THRA: variants seen among roughly 807,000 people sequenced by gnomAD.
THRA encodes the protein EAR-7.
Under a neutral mutation model 45.0 loss-of-function variants are expected in THRA, and 13 were observed. That is an observed-to-expected ratio of 0.29 (90% CI 0.19 to 0.46). The LOEUF (loss-of-function observed/expected upper bound fraction) is 0.46, where lower values mean the gene tolerates loss of function less well. THRA is among the 20% of genes least tolerant of loss of function. The pLI is 1.00. For missense variants in THRA, 278 were observed against 556.1 expected (o/e 0.50, Z 5.03); for synonymous variants, 195 against 214.0 (o/e 0.91, Z 0.78).
intron 7 of THRA, among the ~76,000 whole-genome samples, chr17:40,087,821 C>G (rs1333901432): frequency 6.6e-6 from 1 of 152,144 alleles, no homozygotes; most frequent in Non-Finnish European, 1.5e-5. Context: ...TGCAGTGACG[C>G]GATCTGGGCT....
In THRA at chr17:40,074,216, C is replaced by G. The variant is rs1434091543; in HGVS notation, c.-273C>G. ...GGGATCTCTGGACAGGACAAGACTC[C>G]GAAGCTACTCCCCCAGCACACAGCC... On this transcript the variant is annotated 5_prime_UTR_variant, in exon 2 of 9. Transcript: ENST00000450525. The G allele has an allele frequency of 4.1e-6, 2 of 493,158 alleles. No individual in the cohort carries two copies. The allele number at this position is 493,158 out of a possible 1,614,324, so 30.5% of individuals were successfully genotyped here.
intron 1 of THRA, among the ~76,000 whole-genome samples, chr17:40,066,000 A>G (rs533777257): frequency 1.3e-5 from 2 of 152,302 alleles, no homozygotes; most frequent in South Asian, 2.1e-4. Context: ...AGGGCTCACA[A>G]TGGCCTTTCT....
intron 4 of THRA, 121 bp downstream of exon 4, chr17:40,077,729 C>T: frequency 1.3e-6 from 1 of 746,666 alleles, no homozygotes; most frequent in Non-Finnish European, 2.2e-6. Context: ...CGGAGTCTCA[C>T]TCTTGTCCCC....
At position 40,084,547 on chromosome 17, in the gene THRA, G is replaced by A. The variant is rs1429851855; in HGVS notation, c.371-63G>A. The A allele has an allele frequency of 3.2e-6, 5 of 1,571,488 alleles. No homozygotes were observed. In the East Asian group the frequency reaches 1.1e-4, roughly 35 times the overall value. On this transcript the variant is annotated intron_variant, in intron 5 of 8. Transcript: ENST00000450525. ...TGTACTCTAGGAAGAGTAGTTTCCG[G>A]GAGCATTATGGAAAGGGGATGGAGG...
upstream of THRA, chr17:40,062,564 C>A (rs1325561221): frequency 2.0e-5 from 3 of 152,136 alleles, no homozygotes; most frequent in Non-Finnish European, 4.4e-5. Context: ...GGCTGCTCGT[C>A]GATACTTCCT....
At chr17:40,093,104 G>A (rs1410600730), downstream of THRA, 2 of 1,614,154 alleles carry the variant, frequency 1.2e-6, no homozygotes, top group East Asian at 2.2e-5. The surrounding 1 kb of genome is among the most constrained non-coding windows in gnomAD (Gnocchi z 5.9). Flanking sequence ...CCACCCGGAA[G>A]GACAGCAGCT....
At chr17:40,064,342 CAG>C (rs772336609) in intron 1 of THRA, among the ~76,000 whole-genome samples, 11 of 152,224 alleles carry the variant, frequency 7.2e-5, no homozygotes, top group Non-Finnish European at 1.6e-4. Flanking sequence ...TGCATGCACA[CAG>C]AGCAATTGCA....
chr17:40,087,005 C>T, intron 7 of THRA, 152 bp downstream of exon 7: 1 of 956,260 alleles, frequency 1.0e-6, no homozygotes, highest in Non-Finnish European at 1.6e-6. Flanking sequence ...CACACACACA[C>T]ACATGCATAC....
intron 1 of THRA, among the ~76,000 whole-genome samples, chr17:40,066,864 G>A (rs924128193): frequency 1.3e-5 from 2 of 152,146 alleles, no homozygotes; most frequent in African/African-American, 4.8e-5. Flanking sequence ...CTTCCCCGTT[G>A]CCTCATCTGT....
In THRA at chr17:40,065,046, G is replaced by GGT. The variant is rs560233879; in HGVS notation, c.-298+1954_-298+1955insGT. ...CTCAGCCACTGTGCGGGAATGGGCT[G>GGT]TTTTTTTTTTCTTTCTTTCTTTTAG... On this transcript the variant is annotated intron_variant, in intron 1 of 8. Coordinates refer to ENST00000450525, the MANE Select transcript of THRA (RefSeq NM_199334.5). 9.2e-4 allele frequency among the ~76,000 whole-genome samples: 138 copies of GGT among 149,350 alleles called. 2 individuals carry two copies. The highest frequency in any genetic ancestry group is 2.2e-3 in the African/African-American group (90 of 40,586).
intron 4 of THRA, among the ~76,000 whole-genome samples, chr17:40,078,727 C>CTTTTTT (rs746350223): frequency 1.7e-4 from 17 of 102,632 alleles, no homozygotes; most frequent in Non-Finnish European, 1.9e-4. Flanking sequence ...CAGCCTTCAT[C>CTTTTTT]TTTTTTTTTT....
chr17:40,062,406 A>T (rs985472957), upstream of THRA: 2 of 152,014 alleles, frequency 1.3e-5, no homozygotes, highest in Middle Eastern at 3.2e-3. Flanking sequence ...CTCGCAGCTG[A>T]AGCTTGAGGA....
Position 40,092,985 on chromosome 17 carries a change from G to A in THRA, c.*3529G>A. 6.3e-7 allele frequency: 1 copy of A among 1,595,438 alleles called. No individual in the cohort carries two copies. On this transcript the variant is annotated 3_prime_UTR_variant, in exon 9 of 9. Transcript: ENST00000450525. ...GAATATTTTATAACAATATAAATAA[G>A]ATTCTGGTTTGCTTTTCCTTTTCGT... is the stretch of plus-strand genomic sequence containing the variant.
chr17:40,082,422 C>T (rs1987171991), intron 4 of THRA, among the ~76,000 whole-genome samples: 1 of 151,300 alleles, frequency 6.6e-6, no homozygotes, highest in South Asian at 2.1e-4. Flanking sequence ...AAGTCTCACT[C>T]TTGTCACCCA....
chr17:40,080,922 C>T (rs1333622107), intron 4 of THRA, among the ~76,000 whole-genome samples: 3 of 151,884 alleles, frequency 2.0e-5, no homozygotes, highest in Admixed American at 6.6e-5. Context: ...CAAGGTTTCA[C>T]GATGTTGGCC....
chr17:40,078,565 A>G (rs1301285016), intron 4 of THRA, among the ~76,000 whole-genome samples: 7 of 152,168 alleles, frequency 4.6e-5, no homozygotes. Context: ...CCATTCATTC[A>G]GTGTATTCTT....
Position 40,089,653 on chromosome 17 carries a change from C to T in THRA, c.*197C>T. The T allele has an allele frequency of 7.0e-7, 1 of 1,423,408 alleles. No individual in the cohort carries two copies. The highest frequency in any genetic ancestry group is 1.5e-5 in the South Asian group (1 of 66,304). 88.2% of individuals were successfully genotyped at this position (1,423,408 alleles called of 1,614,324 possible). On this transcript the variant is annotated 3_prime_UTR_variant, in exon 9 of 9. Transcript: ENST00000450525. The surrounding 1 kb of genome is among the most constrained non-coding windows in gnomAD (Gnocchi z 6.1). The stretch of plus-strand genomic sequence containing the variant: ...TCCAGCCCTGGGACAGGGCAAACAA[C>T]TGAACTTGCTATGGAAAGGACAGTG...
intron 1 of THRA, among the ~76,000 whole-genome samples, chr17:40,070,144 C>G (rs1186421879): frequency 1.3e-5 from 2 of 152,048 alleles, no homozygotes; most frequent in Admixed American, 1.3e-4. Context: ...TCACTGCCCC[C>G]CAGCTCCAGA....
At chr17:40,073,144 C>T (rs539360803) in intron 1 of THRA, among the ~76,000 whole-genome samples, 5 of 152,314 alleles carry the variant, frequency 3.3e-5, no homozygotes, top group African/African-American at 9.6e-5. Context: ...GTCTCCTATG[C>T]AGCAGCCACG....
Sources: gnomAD v4.1 joint callset for allele counts (sites outside exome capture counted in the v4.1 genomes callset) on GRCh38, gnomAD v4.1.1 for gene constraint, Gnocchi (gnomAD v3.1) non-coding constraint, MANE v1.5 for transcripts, NCBI Gene and HGNC (gene_info 2026-07-23, HGNC 2026-07-21) for gene names.